The following HK1 variants were observed in gnomAD, a reference collection of about 807,000 sequenced individuals.
HK1 encodes hexokinase 1.
HK1 carries 28 observed loss-of-function variants against 91.6 expected under a neutral mutation model. The ratio of observed to expected loss-of-function variants is 0.31; its 90% CI spans 0.23 to 0.42. The LOEUF (loss-of-function observed/expected upper bound fraction) is 0.42, where lower values mean the gene tolerates loss of function less well. Among genes scored for constraint, HK1 ranks in the 10% least tolerant of loss-of-function variants. The pLI is 1.00. For missense variants in HK1, 770 were observed against 1,219.8 expected, an observed-to-expected ratio of 0.63 and a Z score of 5.49; for synonymous variants, 430 against 468.1, an observed-to-expected ratio of 0.92 and a Z score of 1.05.
upstream of HK1, among the ~76,000 whole-genome samples, chr10:69,313,639 A>G (rs1846489967): frequency 1.3e-5 from 2 of 151,946 alleles, no homozygotes. Flanking sequence ...CTGGGATTAC[A>G]GGCATGTGCC....
chr10:69,277,568 TAAATAAATAAAG>T, intron 1 of HK1, among the ~76,000 whole-genome samples: 1 of 152,262 alleles, frequency 6.6e-6, no homozygotes, highest in East Asian at 1.9e-4. Context: ...ACCCTGTGTC[TAAATAAATAAAG>T]AAATAAATAG....
intron 1 of HK1, among the ~76,000 whole-genome samples, chr10:69,322,143 G>C (rs776304878): frequency 6.6e-5 from 10 of 152,200 alleles, no homozygotes; most frequent in Non-Finnish European, 1.3e-4. Flanking sequence ...ATGGGTCCAG[G>C]AAGGTCAGAA....
intron 1 of HK1, among the ~76,000 whole-genome samples, chr10:69,275,854 C>T (rs961879593): frequency 6.6e-6 from 1 of 151,526 alleles, no homozygotes; most frequent in South Asian, 2.1e-4. Context: ...CTTTGGGAGG[C>T]CGAGGCAGGT....
At chr10:69,302,931 G>T (rs1845952290) in intron 5 of HK1, among the ~76,000 whole-genome samples, 1 of 151,476 alleles carries the variant, frequency 6.6e-6, no homozygotes, top group Non-Finnish European at 1.5e-5. Context: ...TGAGGGGCTA[G>T]TTCTGCCTGG....
chr10:69,371,852 A>G (rs1850021897), intron 7 of HK1, among the ~76,000 whole-genome samples: 1 of 152,186 alleles, frequency 6.6e-6, no homozygotes, highest in Admixed American at 6.5e-5. Flanking sequence ...ATGATGGATG[A>G]GAGATGAGTG....
At chr10:69,324,862 T>G (rs190555637) in intron 1 of HK1, among the ~76,000 whole-genome samples, 1 of 152,256 alleles carries the variant, frequency 6.6e-6, no homozygotes, top group Admixed American at 6.5e-5. Context: ...TGCAACCACT[T>G]AATATACACT....
intron 5 of HK1, among the ~76,000 whole-genome samples, chr10:69,307,173 T>C (rs1007519707): frequency 3.3e-5 from 5 of 150,812 alleles, no homozygotes; most frequent in African/African-American, 1.2e-4. Flanking sequence ...TTGACAAGAG[T>C]GATTCTTTGG....
At chr10:69,389,475 GAGGT>G in intron 14 of HK1, 179 bp downstream of exon 14, 2 of 590,578 alleles carry the variant, frequency 3.4e-6, no homozygotes, top group East Asian at 3.6e-5. Context: ...CTGGCGGGGG[GAGGT>G]GGGGGGGCCT....
At chr10:69,347,219 C>T (rs1195834320) in intron 2 of HK1, among the ~76,000 whole-genome samples, 1 of 151,944 alleles carries the variant, frequency 6.6e-6, no homozygotes, top group African/African-American at 2.4e-5. Flanking sequence ...CCATGTTGGC[C>T]AAGCTGGTCT....
intron 1 of HK1, among the ~76,000 whole-genome samples, chr10:69,327,856 G>GA (rs1412781277): frequency 2.0e-5 from 3 of 152,206 alleles, no homozygotes; most frequent in Non-Finnish European, 4.4e-5. Flanking sequence ...TACCTTATCA[G>GA]AGTCCTTGCT....
intron 3 of HK1, among the ~76,000 whole-genome samples, chr10:69,293,503 T>C (rs185086886): frequency 5.3e-5 from 8 of 152,332 alleles, no homozygotes; most frequent in Admixed American, 5.2e-4. Context: ...ATCAGCCAGC[T>C]TTTGCTATGT....
chr10:69,283,798 CAAAA>C (rs571297748), intron 2 of HK1, among the ~76,000 whole-genome samples: 4 of 67,624 alleles, frequency 5.9e-5, no homozygotes, highest in Admixed American at 5.2e-4. Context: ...GACTCTGTCT[CAAAA>C]AAAAAAAAAA....
At chr10:69,339,823 T>C (rs1032872849) in intron 1 of HK1, among the ~76,000 whole-genome samples, 7 of 152,180 alleles carry the variant, frequency 4.6e-5, no homozygotes, top group African/African-American at 1.2e-4. Flanking sequence ...GCAGGGATGA[T>C]TGTATGGAGG....
intron 2 of HK1, among the ~76,000 whole-genome samples, chr10:69,353,036 T>A (rs1848955941): frequency 6.6e-6 from 1 of 152,182 alleles, no homozygotes; most frequent in Non-Finnish European, 1.5e-5. Context: ...GAATCTTTGA[T>A]CCTGGTCCTG....
At chr10:69,313,372 C>T (rs1012843875), upstream of HK1, among the ~76,000 whole-genome samples, 1 of 152,218 alleles carries the variant, frequency 6.6e-6, no homozygotes, top group Admixed American at 6.5e-5. Context: ...GAGCTAGTGC[C>T]ATGATGACCA....
At chr10:69,291,311 G>C (rs748912473) in intron 3 of HK1, among the ~76,000 whole-genome samples, 3 of 152,236 alleles carry the variant, frequency 2.0e-5, no homozygotes, top group Non-Finnish European at 2.9e-5. Flanking sequence ...GAGGAGCACA[G>C]GTTCTGGGAT....
chr10:69,380,032 A>G lies in HK1; in HGVS notation c.1202A>G (p.Lys401Arg), dbSNP rs761264478. ...ATCTTGAACCGCCTGCGTGATAACA[A>G]GGGCACACCCAGGCTGCGGACCACG... ...GAILNRLRDN[K>R]GTPRLRTTVG... Residue 401 changes from lysine (K) to arginine (R), a missense_variant, in exon 9 of 18, where the codon AAG (lysine) becomes AGG (arginine). Transcript: ENST00000359426. This position sits in a 1 kb window ranked among gnomAD's most constrained non-coding sequence, Gnocchi z 4.0. 2 of 1,614,158 alleles carry G rather than the reference A, an allele frequency of 1.2e-6. No individual in the cohort carries two copies. The highest frequency in any genetic ancestry group is 1.1e-5 in the South Asian group (1 of 91,082).
chr10:69,288,811 C>T (rs561533880), intron 3 of HK1: 15 of 1,566,514 alleles, frequency 9.6e-6, no homozygotes, highest in Middle Eastern at 1.7e-4. Flanking sequence ...TTTTTTGAGA[C>T]GTTTTTGTTC....
chr10:69,324,567 A>C (rs1250041057), intron 1 of HK1, among the ~76,000 whole-genome samples: 1 of 152,170 alleles, frequency 6.6e-6, no homozygotes, highest in Non-Finnish European at 1.5e-5. Flanking sequence ...TGACAGAACG[A>C]GACTCCATCT....
Sources: gnomAD v4.1 joint callset for allele counts (sites outside exome capture counted in the v4.1 genomes callset) on GRCh38, gnomAD v4.1.1 for gene constraint, Gnocchi (gnomAD v3.1) non-coding constraint, MANE v1.5 for transcripts, NCBI Gene and HGNC (gene_info 2026-07-23, HGNC 2026-07-21) for gene names.